The following SORCS2 variants were observed in gnomAD, a reference collection of about 807,000 sequenced individuals.
SORCS2 encodes VPS10 domain-containing receptor SorCS2.
A neutral mutation model predicts 141.6 loss-of-function variants in SORCS2; 100 were observed. The observed-to-expected ratio is 0.71, with a 90% CI of 0.60 to 0.83. The LOEUF (loss-of-function observed/expected upper bound fraction) is 0.83. Ranked by LOEUF, SORCS2 falls within the 40% of genes least tolerant of loss-of-function variation. The pLI is 0.00. For synonymous variants in SORCS2, 789 were observed against 676.9 expected (o/e 1.17, Z -2.57); for missense variants, 1,646 against 1,560.2 (o/e 1.05, Z -0.93).
rs879811305 is a variant in SORCS2, at chr4:7,255,851, A to ACCCGGGGCTGGAGCGTGGGGC, written c.480+62746_480+62766dup. ...GGGGACCCGGGGTTGGTGCGTGGGG[A>ACCCGGGGCTGGAGCGTGGGGC]CCCGGGGCTGGAGCGTGGGGCCCCG... On this transcript the variant is annotated intron_variant, in intron 1 of 26. Coordinates refer to ENST00000507866, the MANE Select transcript of SORCS2 (RefSeq NM_020777.3). 9.3e-3 allele frequency among the ~76,000 whole-genome samples: 1,351 copies of ACCCGGGGCTGGAGCGTGGGGC among 144,716 alleles called. 27 individuals are homozygous for ACCCGGGGCTGGAGCGTGGGGC. Among genetic ancestry groups the ACCCGGGGCTGGAGCGTGGGGC allele is most frequent in the African/African-American group, 0.018 (707 of 38,964 alleles). 94.9% of individuals were successfully genotyped at this position (144,716 alleles called of 152,430 possible).
At chr4:7,298,769 A>C (rs1232626244) in intron 1 of SORCS2, among the ~76,000 whole-genome samples, 1 of 152,188 alleles carries the variant, frequency 6.6e-6, no homozygotes, top group Non-Finnish European at 1.5e-5. Context: ...TGTGAGCCTG[A>C]GGTCCCCGGG....
chr4:7,699,354 A>G (rs1724908856), intron 12 of SORCS2, among the ~76,000 whole-genome samples: 1 of 152,160 alleles, frequency 6.6e-6, no homozygotes, highest in Non-Finnish European at 1.5e-5. Context: ...GATGGCCAGG[A>G]GGCACTCCAT....
At chr4:7,413,777 G>C (rs1419245684) in intron 2 of SORCS2, among the ~76,000 whole-genome samples, 1 of 152,186 alleles carries the variant, frequency 6.6e-6, no homozygotes, top group Non-Finnish European at 1.5e-5. Flanking sequence ...TTAGACCTCT[G>C]AGTCATTTCT....
chr4:7,276,586 G>A (rs1715517145), intron 1 of SORCS2, among the ~76,000 whole-genome samples: 6 of 152,164 alleles, frequency 3.9e-5, no homozygotes. Context: ...CAGGCCCCGG[G>A]AAACGCACTG....
intron 3 of SORCS2, among the ~76,000 whole-genome samples, chr4:7,617,284 T>C (rs1718825336): frequency 6.6e-6 from 1 of 152,094 alleles, no homozygotes; most frequent in Non-Finnish European, 1.5e-5. Flanking sequence ...CCATTATCCA[T>C]CCACCCACCT....
intron 1 of SORCS2, among the ~76,000 whole-genome samples, chr4:7,247,025 C>A (rs1258281129): frequency 6.6e-6 from 1 of 152,184 alleles, no homozygotes; most frequent in African/African-American, 2.4e-5. Flanking sequence ...TACAGGGGCT[C>A]AGGAAGTGTC....
intron 1 of SORCS2, among the ~76,000 whole-genome samples, chr4:7,343,685 C>T (rs1473360407): frequency 6.6e-6 from 1 of 152,208 alleles, no homozygotes; most frequent in Non-Finnish European, 1.5e-5. Context: ...TGGAAAATAG[C>T]CCTTAGGAGG....
intron 4 of SORCS2, among the ~76,000 whole-genome samples, chr4:7,650,240 G>A (rs1721346089): frequency 6.6e-6 from 1 of 152,238 alleles, no homozygotes; most frequent in Admixed American, 6.5e-5. Context: ...ACGAGGTATT[G>A]TTAGAAGCAT....
In SORCS2 at chr4:7,192,785, G is replaced by A; in HGVS notation, c.139G>A (p.Gly47Arg). ...LLLLLLLGAC[G>R]AAGRSPEPGR... The stretch of plus-strand genomic sequence containing the variant: ...GCTGCTGCTGCTGCTGGGCGCCTGC[G>A]GGGCGGCGGGGCGCTCCCCTGAGCC... The change falls in exon 1 of 27, where the codon GGG becomes AGG. Residue 47 changes from glycine to arginine, a missense_variant. By Grantham distance (125) the Gly-to-Arg change is moderately radical. Transcript: ENST00000507866. The surrounding 1 kb of genome is among the most constrained non-coding windows in gnomAD (Gnocchi z 4.0). 9.9e-7 allele frequency: 1 copy of A among 1,012,502 alleles called. No homozygotes were observed. Among genetic ancestry groups the A allele is most frequent in the South Asian group, 4.5e-5 (1 of 22,410 alleles). The allele number at this position is 1,012,502 out of a possible 1,614,324, so 62.7% of individuals were successfully genotyped here.
chr4:7,375,506 G>A (rs1253200268), intron 1 of SORCS2, among the ~76,000 whole-genome samples: 1 of 152,154 alleles, frequency 6.6e-6, no homozygotes, highest in Non-Finnish European at 1.5e-5. Flanking sequence ...CCCAGCCAGT[G>A]AGAAGCCTTT....
intron 18 of SORCS2, among the ~76,000 whole-genome samples, chr4:7,719,979 A>G (rs1349115602): frequency 6.6e-6 from 1 of 152,128 alleles, no homozygotes; most frequent in Non-Finnish European, 1.5e-5. Flanking sequence ...CCGCTACGCT[A>G]GGGAAGCTGG....
intron 1 of SORCS2, among the ~76,000 whole-genome samples, chr4:7,358,128 C>CA (rs1459188091): frequency 6.6e-6 from 1 of 152,184 alleles, no homozygotes; most frequent in Admixed American, 6.5e-5. Context: ...GGAAAGGGCA[C>CA]AGAGAATGAA....
At chr4:7,363,134 A>C (rs1721690864) in intron 1 of SORCS2, among the ~76,000 whole-genome samples, 1 of 147,452 alleles carries the variant, frequency 6.8e-6, no homozygotes, top group African/African-American at 2.5e-5. Flanking sequence ...CCGTCACCAT[A>C]ACCATCACCA....
Position 7,648,895 on chromosome 4 carries a change from C to T in SORCS2, c.814-5239C>T, listed in dbSNP as rs896195915. Among the ~76,000 whole-genome samples, 2 of 152,146 alleles carry T rather than the reference C, an allele frequency of 1.3e-5. No individual in the cohort carries two copies. The highest frequency in any genetic ancestry group is 4.8e-5 in the African/African-American group (2 of 41,424). ...CTGAGTGACACAGGATGTCCTGGAT[C>T]TGAGGAGCTAGAGGCCAGAGAACCA... On this transcript the variant is annotated intron_variant, in intron 4 of 26. Coordinates refer to ENST00000507866, the MANE Select transcript of SORCS2 (RefSeq NM_020777.3). This position sits in a 1 kb window ranked among gnomAD's most constrained non-coding sequence, Gnocchi z 4.2.
intron 3 of SORCS2, among the ~76,000 whole-genome samples, chr4:7,614,586 C>A (rs1718631392): frequency 7.3e-6 from 1 of 136,180 alleles, no homozygotes; most frequent in African/African-American, 2.9e-5. Flanking sequence ...CATCATGAAT[C>A]CATCCACCCA....
chr4:7,676,697 G>A (rs1253271933), intron 9 of SORCS2, among the ~76,000 whole-genome samples: 1 of 136,360 alleles, frequency 7.3e-6, no homozygotes, highest in Admixed American at 7.3e-5. Flanking sequence ...CTCTCCCTCT[G>A]TGTGTCTGAA....
intron 2 of SORCS2, among the ~76,000 whole-genome samples, chr4:7,401,067 A>G (rs570017391): frequency 6.6e-6 from 1 of 152,262 alleles, no homozygotes; most frequent in African/African-American, 2.4e-5. Flanking sequence ...GGATTGATGG[A>G]TGGATGAATG....
rs141679405 is a variant in SORCS2 at position 7,532,829 on chromosome 4, T to C, written c.648+1200T>C. ...GCTGTTTTTGTTTTGTTTTGTTTCG[T>C]TTTTTTCTCTTCTTGATTTCTGCTG... On this transcript the variant is annotated intron_variant, in intron 3 of 26. Transcript: ENST00000507866. 2.5e-3 allele frequency among the ~76,000 whole-genome samples: 384 copies of C among 152,230 alleles called. 2 individuals are homozygous for C. Among genetic ancestry groups the C allele is most frequent in the Non-Finnish European group, 4.3e-3 (291 of 67,996 alleles).
At chr4:7,713,451 G>T (rs78088435) in intron 15 of SORCS2, among the ~76,000 whole-genome samples, 1 of 152,098 alleles carries the variant, frequency 6.6e-6, no homozygotes, top group South Asian at 2.1e-4. Context: ...TTGTTAAAGC[G>T]CGGGGTGGAA....
Sources: gnomAD v4.1 joint callset for allele counts (sites outside exome capture counted in the v4.1 genomes callset) on GRCh38, gnomAD v4.1.1 for gene constraint, Gnocchi (gnomAD v3.1) non-coding constraint, MANE v1.5 for transcripts, NCBI Gene and HGNC (gene_info 2026-07-23, HGNC 2026-07-21) for gene names.